FHOD3: variants seen among roughly 807,000 people sequenced by gnomAD.
FHOD3 encodes FH1/FH2 domain-containing protein 3.
In FHOD3, 90 loss-of-function variants were observed where a neutral mutation model predicts 173.0. The observed-to-expected ratio is 0.52, with a 90% CI of 0.44 to 0.62. The LOEUF (loss-of-function observed/expected upper bound fraction) is 0.62. Among genes scored for constraint, FHOD3 ranks in the 20% least tolerant of loss-of-function variants. The pLI, the probability that FHOD3 is intolerant of heterozygous loss-of-function variation, is 0.00. For missense variants in FHOD3, 1,945 were observed against 2,034.7 expected (o/e 0.96, Z 0.85); for synonymous variants, 828 against 823.0 (o/e 1.01, Z -0.10).
chr18:36,412,489 A>G (rs1254988089), intron 3 of FHOD3, among the ~76,000 whole-genome samples: 1 of 152,234 alleles, frequency 6.6e-6, no homozygotes, highest in Non-Finnish European at 1.5e-5. Context: ...AAGGACTAAA[A>G]TCAGATTTAT....
intron 3 of FHOD3, among the ~76,000 whole-genome samples, chr18:36,420,628 A>G (rs1326066551): frequency 1.3e-5 from 2 of 152,202 alleles, no homozygotes; most frequent in African/African-American, 2.4e-5. Flanking sequence ...TTTGATGTTA[A>G]GTATTTCTCA....
chr18:36,518,888 G>A (rs4799421), intron 5 of FHOD3, among the ~76,000 whole-genome samples: 11,403 of 152,180 alleles, frequency 0.075, 591 homozygotes, highest in South Asian at 0.22. Flanking sequence ...TCTCTTTCAC[G>A]TCTCCTTGGC....
intron 5 of FHOD3, among the ~76,000 whole-genome samples, chr18:36,566,637 GGAT>G (rs2147789740): frequency 6.6e-6 from 1 of 152,280 alleles, no homozygotes; most frequent in South Asian, 2.1e-4. Context: ...CATCTATTAT[GGAT>G]TTGAAAAGGA....
Position 36,379,517 on chromosome 18 carries a change from C to G in FHOD3, c.337+6773C>G, listed in dbSNP as rs753180746. Among the ~76,000 whole-genome samples, 75 of 152,206 alleles carry G rather than the reference C, an allele frequency of 4.9e-4. 1 individual carries two copies. The highest frequency in any genetic ancestry group is 9.4e-4 in the Non-Finnish European group (64 of 68,014). On this transcript the variant is annotated intron_variant, in intron 3 of 28. Coordinates refer to ENST00000590592, the MANE Select transcript of FHOD3 (RefSeq NM_001281740.3). ...CAATGTCCATGTAATTGTTTATATC[C>G]TGGTTGGTCACTTAACAAGGAACAT... is the stretch of plus-strand genomic sequence containing the variant.
chr18:36,617,874 T>C (rs541133206), intron 9 of FHOD3, among the ~76,000 whole-genome samples: 6 of 152,296 alleles, frequency 3.9e-5, no homozygotes, highest in African/African-American at 1.4e-4. Flanking sequence ...TTAAACTTCC[T>C]ATTGTTACAG....
chr18:36,741,098 AT>A (rs1021169258), intron 21 of FHOD3, among the ~76,000 whole-genome samples: 13 of 151,196 alleles, frequency 8.6e-5, no homozygotes, highest in East Asian at 2.0e-4. Flanking sequence ...AAACAATTAC[AT>A]TTTTTTTTCA....
At chr18:36,557,428 C>T (rs947798879) in intron 5 of FHOD3, among the ~76,000 whole-genome samples, 3 of 151,958 alleles carry the variant, frequency 2.0e-5, no homozygotes, top group Non-Finnish European at 4.4e-5. Flanking sequence ...TTGAATCTTC[C>T]ATTAATCGCA....
Position 36,707,887 on chromosome 18 carries a change from C to T in FHOD3, c.2237-1208C>T, listed in dbSNP as rs140755254. Among the ~76,000 whole-genome samples, 86 of 152,286 alleles carry T rather than the reference C, an allele frequency of 5.6e-4. No homozygotes were observed. The East Asian group carries it at 0.013, about 23-fold the overall frequency. Reference sequence around the variant, plus strand: ...AGTGTGTACCTAGGGTTCAAGCACACACCCTTAGAGTGCATTGCCAGGGTT... The same window carrying T: ...AGTGTGTACCTAGGGTTCAAGCACATACCCTTAGAGTGCATTGCCAGGGTT... On this transcript the variant is annotated intron_variant, in intron 17 of 28. Coordinates refer to ENST00000590592, the MANE Select transcript of FHOD3 (RefSeq NM_001281740.3).
chr18:36,300,907 A>T (rs1568091432), intron 1 of FHOD3, among the ~76,000 whole-genome samples: 1 of 151,688 alleles, frequency 6.6e-6, no homozygotes, highest in Admixed American at 6.6e-5. Context: ...CACCTTGCTA[A>T]TTTTTTTATT....
intron 3 of FHOD3, among the ~76,000 whole-genome samples, chr18:36,441,753 C>T (rs1411298387): frequency 6.6e-6 from 1 of 152,238 alleles, no homozygotes; most frequent in African/African-American, 2.4e-5. Flanking sequence ...GCCATCTCTT[C>T]ATCACATTTT....
At chr18:36,616,138 G>A (rs993767049) in intron 9 of FHOD3, among the ~76,000 whole-genome samples, 5 of 152,222 alleles carry the variant, frequency 3.3e-5, no homozygotes, top group African/African-American at 7.2e-5. Context: ...AAAGATGGAA[G>A]AGGAAGAGAG....
At chr18:36,358,214 A>C (rs992333695) in intron 2 of FHOD3, among the ~76,000 whole-genome samples, 16 of 152,232 alleles carry the variant, frequency 1.1e-4, no homozygotes, top group Non-Finnish European at 2.1e-4. Context: ...GGGCAAAGGT[A>C]CTTTAGGTTC....
intron 7 of FHOD3, among the ~76,000 whole-genome samples, chr18:36,596,656 G>A (rs12963930): frequency 0.26 from 39,769 of 152,052 alleles, 5,601 homozygotes; most frequent in East Asian, 0.36. Flanking sequence ...TCGGCACTAG[G>A]CATGGCTGAT....
chr18:36,754,324 CG>C (rs1568733643), intron 24 of FHOD3, among the ~76,000 whole-genome samples: 1 of 152,050 alleles, frequency 6.6e-6, no homozygotes, highest in African/African-American at 2.4e-5. Context: ...GTATCATTTG[CG>C]TAATGTTGTT....
chr18:36,597,419 TTTTTGTTTTG>T (rs949490344), intron 7 of FHOD3, among the ~76,000 whole-genome samples: 1 of 152,104 alleles, frequency 6.6e-6, no homozygotes, highest in Admixed American at 6.5e-5. Context: ...ATTGTTTTTG[TTTTTGTTTTG>T]TTTTGTTTTG....
chr18:36,641,537 C>T (rs983883437), intron 10 of FHOD3, among the ~76,000 whole-genome samples: 2 of 152,108 alleles, frequency 1.3e-5, no homozygotes, highest in Admixed American at 1.3e-4. Context: ...AGCTTGGGCC[C>T]CATGGGTTGA....
chr18:36,527,060 C>T (rs1031263489), intron 5 of FHOD3, among the ~76,000 whole-genome samples: 1 of 152,088 alleles, frequency 6.6e-6, no homozygotes, highest in Admixed American at 6.5e-5. Context: ...GCAGATATTC[C>T]CTGGAAGCTG....
Position 36,625,616 on chromosome 18 carries a change from C to T in FHOD3, c.1063C>T (p.Arg355Trp), listed in dbSNP as rs960627486. The change falls in exon 10 of 29, where the codon CGG becomes TGG. Residue 355 changes from arginine to tryptophan, a missense_variant. Transcript: ENST00000590592. ...SVCSSGGGEH[R>W]GLDRRRSRRH... ...GTGTTCCAGTGGCGGAGGCGAGCAC[C>T]GGGGCCTGGACCGCAGAAGGAGCCG... 9.4e-6 allele frequency: 15 copies of T among 1,592,670 alleles called. No homozygotes were observed. Among genetic ancestry groups the T allele is most frequent in the Admixed American group, 3.4e-5 (2 of 58,462 alleles).
chr18:36,753,738 A>G (rs1251418902), intron 24 of FHOD3, among the ~76,000 whole-genome samples: 3 of 152,162 alleles, frequency 2.0e-5, no homozygotes, highest in Non-Finnish European at 4.4e-5. Context: ...TGTCTCTTTT[A>G]TTACAGCCAT....
Sources: allele counts gnomAD v4.1 joint callset (sites outside exome capture counted in the v4.1 genomes callset), GRCh38; gene constraint gnomAD v4.1.1; transcripts MANE v1.5; gene names NCBI Gene and HGNC (gene_info 2026-07-23, HGNC 2026-07-21).